The following DCC variants were observed in gnomAD, a reference collection of about 807,000 sequenced individuals.
The protein encoded by DCC is netrin receptor DCC.
A neutral mutation model predicts 172.5 loss-of-function variants in DCC; 58 were observed. That is an observed-to-expected ratio of 0.34 (90% CI 0.27 to 0.42). The LOEUF (loss-of-function observed/expected upper bound fraction) is 0.42, where lower values mean the gene tolerates loss of function less well. DCC is among the 10% of genes least tolerant of loss of function. The pLI, the probability that DCC is intolerant of heterozygous loss-of-function variation, is 1.00. For synonymous variants in DCC, 709 were observed against 644.5 expected, an observed-to-expected ratio of 1.10 and a Z score of -1.52; for missense variants, 1,740 against 1,791.0, an observed-to-expected ratio of 0.97 and a Z score of 0.51.
At chr18:53,287,014 A>G (rs1480317354) in intron 12 of DCC, among the ~76,000 whole-genome samples, 1 of 151,950 alleles carries the variant, frequency 6.6e-6, no homozygotes, top group Non-Finnish European at 1.5e-5. Context: ...ACATCTTCAC[A>G]TGTGGTATTT....
chr18:52,824,659 G>C (rs539572705), intron 2 of DCC, among the ~76,000 whole-genome samples: 1 of 152,230 alleles, frequency 6.6e-6, no homozygotes, highest in African/African-American at 2.4e-5. Context: ...ATCTCAGCAA[G>C]AGCAGTGGAA....
chr18:53,452,769 T>C (rs1413585735), intron 23 of DCC, among the ~76,000 whole-genome samples: 1 of 152,220 alleles, frequency 6.6e-6, no homozygotes, highest in Non-Finnish European at 1.5e-5. Context: ...TCACACTTTG[T>C]TTCATATCTT....
intron 14 of DCC, among the ~76,000 whole-genome samples, chr18:53,330,165 G>A (rs1240628698): frequency 3.9e-5 from 6 of 152,024 alleles, no homozygotes; most frequent in Admixed American, 6.6e-5. Flanking sequence ...TTTTCTTCAG[G>A]TATTTTTAAA....
chr18:52,856,625 C>CAATAAAAAAAA (rs2039058774), intron 2 of DCC, among the ~76,000 whole-genome samples: 1 of 83,006 alleles, frequency 1.2e-5, no homozygotes, highest in African/African-American at 5.5e-5. Context: ...GACTCCATCT[C>CAATAAAAAAAA]AAAAAAAAAA....
intron 2 of DCC, among the ~76,000 whole-genome samples, chr18:52,817,590 CCTCTTT>C (rs72145807): frequency 0.026 from 3,909 of 152,100 alleles, 111 homozygotes; most frequent in East Asian, 0.089. Context: ...AGTCTCTCTT[CCTCTTT>C]CTAATATATA....
At chr18:52,969,152 C>G (rs1598982517) in intron 5 of DCC, among the ~76,000 whole-genome samples, 2 of 152,176 alleles carry the variant, frequency 1.3e-5, no homozygotes, top group South Asian at 2.1e-4. Context: ...ATTTAATTCC[C>G]TTTCTTGGTT....
At chr18:53,240,856 A>G (rs2056281752) in intron 12 of DCC, among the ~76,000 whole-genome samples, 1 of 152,160 alleles carries the variant, frequency 6.6e-6, no homozygotes, top group African/African-American at 2.4e-5. Flanking sequence ...TCCATTTTTC[A>G]GATATTTGTA....
At chr18:52,974,332 G>T (rs1307381698) in intron 5 of DCC, among the ~76,000 whole-genome samples, 8 of 152,078 alleles carry the variant, frequency 5.3e-5, no homozygotes, top group Admixed American at 5.2e-4. Context: ...GGAGATTGAG[G>T]CATGAAATAG....
intron 1 of DCC, among the ~76,000 whole-genome samples, chr18:52,725,360 T>A (rs776115126): frequency 6.6e-6 from 1 of 152,200 alleles, no homozygotes; most frequent in Non-Finnish European, 1.5e-5. Context: ...AATTAGAGAA[T>A]AACAAGTTGC....
At chr18:53,472,589 T>C (rs1378033793) in intron 25 of DCC, among the ~76,000 whole-genome samples, 2 of 152,210 alleles carry the variant, frequency 1.3e-5, no homozygotes, top group East Asian at 3.8e-4. Flanking sequence ...CCTCATCTAA[T>C]AAATTCCCAT....
chr18:52,441,188 A>G (rs1987959392), intron 1 of DCC, among the ~76,000 whole-genome samples: 1 of 152,184 alleles, frequency 6.6e-6, no homozygotes, highest in Non-Finnish European at 1.5e-5. Flanking sequence ...GTTATGAGAG[A>G]TGTTCATTTG....
chr18:52,567,425 G>A (rs954813970), intron 1 of DCC, among the ~76,000 whole-genome samples: 15 of 152,194 alleles, frequency 9.9e-5, no homozygotes, highest in African/African-American at 3.4e-4. Flanking sequence ...CCCTGGAGCC[G>A]TACTGCCATG....
chr18:52,887,327 A>T (rs111269675), intron 2 of DCC, among the ~76,000 whole-genome samples: 1,638 of 151,940 alleles, frequency 0.011, 23 homozygotes, highest in African/African-American at 0.035. Flanking sequence ...TTAAACTATC[A>T]TCAACATGTA....
At chr18:53,480,762 CAG>C (rs1417679089) in intron 25 of DCC, 2 of 152,138 alleles carry the variant, frequency 1.3e-5, no homozygotes, top group Non-Finnish European at 2.9e-5. Flanking sequence ...AACTGAAAAA[CAG>C]AGCGTGAATA....
At chr18:52,385,057 C>T (rs892740115) in intron 1 of DCC, among the ~76,000 whole-genome samples, 2 of 152,042 alleles carry the variant, frequency 1.3e-5, no homozygotes, top group Non-Finnish European at 1.5e-5. Flanking sequence ...TTTATAGAAG[C>T]TCAGATGCCT....
intron 12 of DCC, among the ~76,000 whole-genome samples, chr18:53,275,732 G>T (rs991038181): frequency 3.3e-5 from 5 of 152,118 alleles, no homozygotes; most frequent in Non-Finnish European, 7.4e-5. Context: ...TGCTATTCAG[G>T]TAGGTCTGGT....
intron 5 of DCC, chr18:52,934,694 T>A (rs987144181): frequency 6.6e-6 from 1 of 152,144 alleles, no homozygotes; most frequent in African/African-American, 2.4e-5. Flanking sequence ...AGAAAGGCCT[T>A]TCTTTAAATG....
At chr18:52,745,648 C>A (rs772891350) in intron 1 of DCC, among the ~76,000 whole-genome samples, 1 of 152,158 alleles carries the variant, frequency 6.6e-6, no homozygotes, top group Non-Finnish European at 1.5e-5. Context: ...TGGGAACATT[C>A]AAAATCATTT....
At chr18:52,929,297 C>G (rs941840551) in intron 5 of DCC, among the ~76,000 whole-genome samples, 1 of 152,108 alleles carries the variant, frequency 6.6e-6, no homozygotes, top group African/African-American at 2.4e-5. Flanking sequence ...TAGGCATATG[C>G]TTTACTGTCT....
Sources: allele counts gnomAD v4.1 joint callset (sites outside exome capture counted in the v4.1 genomes callset), GRCh38; gene constraint gnomAD v4.1.1; transcripts MANE v1.5; gene names NCBI Gene and HGNC (gene_info 2026-07-23, HGNC 2026-07-21).